CD84: variants seen among roughly 807,000 people sequenced by gnomAD.
CD84 encodes CD84 molecule.
Under a neutral mutation model 33.8 loss-of-function variants are expected in CD84, and 22 were observed. The observed-to-expected ratio is 0.65, with a 90% CI of 0.46 to 0.93. The LOEUF is 0.93. Ranked by LOEUF, CD84 falls within the 40% of genes least tolerant of loss-of-function variation. The pLI is 0.00. For synonymous variants in CD84, 154 were observed against 145.2 expected (o/e 1.06, Z -0.44); for missense variants, 400 against 397.6 (o/e 1.01, Z -0.05).
At chr1:160,557,029 T>A (rs1448148240) in intron 2 of CD84, among the ~76,000 whole-genome samples, 1 of 152,158 alleles carries the variant, frequency 6.6e-6, no homozygotes, top group Non-Finnish European at 1.5e-5. Flanking sequence ...AGATTTTTTT[T>A]AAGGGATAAG....
rs1402600942 is a variant in CD84 at position 160,577,736 on chromosome 1, G to T, written c.46+1656C>A. ...TCTGTTAAACACTTACTATATTCAG[G>T]TACCATGGCAAGTGTTGTACATGCA... On this transcript the variant is annotated intron_variant, in intron 1 of 6. Transcript: ENST00000368054. 2.6e-5 allele frequency among the ~76,000 whole-genome samples: 4 copies of T among 152,236 alleles called. No homozygotes were observed. In the East Asian group the frequency reaches 5.8e-4, roughly 22 times the overall value.
intron 1 of CD84, among the ~76,000 whole-genome samples, chr1:160,567,847 C>T (rs943687409): frequency 4.6e-5 from 7 of 152,026 alleles, no homozygotes; most frequent in Admixed American, 3.3e-4. Flanking sequence ...AGTGTCCCAG[C>T]GTGAATCCCT....
Position 160,546,848 on chromosome 1 carries a change from T to C in CD84, c.*1408A>G, listed in dbSNP as rs1655857120. ...AAGAGCAGACATTATGCACATCTTC[T>C]ACTTTGGGGCCTTGCAGCTCCTAAC... is the stretch of plus-strand genomic sequence containing the variant. On this transcript the variant is annotated 3_prime_UTR_variant, in exon 7 of 7. Coordinates refer to ENST00000368054, the MANE Select transcript of CD84 (RefSeq NM_003874.4). 3.0e-6 allele frequency: 1 copy of C among 331,028 alleles called. No individual in the cohort carries two copies. The highest frequency in any genetic ancestry group is 2.1e-5 in the African/African-American group (1 of 47,270). The allele number at this position is 331,028 out of a possible 1,614,324, so 20.5% of individuals were successfully genotyped here.
chr1:160,542,524 A>G lies in CD84; in HGVS notation c.*5732T>C, dbSNP rs1424043353. ...TGTAAATGAAAGAGTTGAGATTATG[A>G]GCATTTAAAAATTCTCTGATGAATA... On this transcript the variant is annotated 3_prime_UTR_variant, in exon 7 of 7. Coordinates refer to ENST00000368054, the MANE Select transcript of CD84 (RefSeq NM_003874.4). 1 of 152,224 alleles carries G rather than the reference A, an allele frequency of 6.6e-6. No individual in the cohort carries two copies. The highest frequency in any genetic ancestry group is 1.5e-5 in the Non-Finnish European group (1 of 68,042). The allele number at this position is 152,224 out of a possible 1,614,324, so 9.4% of individuals were successfully genotyped here.
At position 160,541,221 on chromosome 1, in the gene CD84, A is replaced by G. The variant is rs1053529507; in HGVS notation, c.*7035T>C. 2.6e-5 allele frequency: 4 copies of G among 152,240 alleles called. No individual in the cohort carries two copies. The highest frequency in any genetic ancestry group is 5.9e-5 in the Non-Finnish European group (4 of 68,034). 9.4% of individuals were successfully genotyped at this position (152,240 alleles called of 1,614,324 possible). ...TAATGGGCATTTACAAATGCCTGAA[A>G]TAAAAGGTGACTTGTAGAAGGGATA... On this transcript the variant is annotated 3_prime_UTR_variant, in exon 7 of 7. Coordinates refer to ENST00000368054, the MANE Select transcript of CD84 (RefSeq NM_003874.4).
chr1:160,555,194 C>T (rs1251256587), intron 2 of CD84, among the ~76,000 whole-genome samples: 1 of 151,708 alleles, frequency 6.6e-6, no homozygotes, highest in Admixed American at 6.6e-5. Context: ...CATTCTCCTG[C>T]CTCAGCCTCC....
chr1:160,569,517 TACACACACAC>T lies in CD84; in HGVS notation c.47-3782_47-3773del, dbSNP rs140655590. Among the ~76,000 whole-genome samples, 166 of 147,974 alleles carry T rather than the reference TACACACACAC, an allele frequency of 1.1e-3. 3 individuals are homozygous for T. The East Asian group carries it at 0.023, about 21-fold the overall frequency. On this transcript the variant is annotated intron_variant, in intron 1 of 6. Coordinates refer to ENST00000368054, the MANE Select transcript of CD84 (RefSeq NM_003874.4). ...TTGATACCCGGTTAGGGAAATAAGA[TACACACACAC>T]ACACACACACACACGCACGCACGCA...
At chr1:160,550,748 T>A in intron 5 of CD84, 190 bp downstream of exon 5, 1 of 985,298 alleles carries the variant, frequency 1.0e-6, no homozygotes, top group South Asian at 4.7e-5. Flanking sequence ...GGGGTGACAA[T>A]GGGTCACGTT....
At chr1:160,569,151 C>T (rs60000004) in intron 1 of CD84, among the ~76,000 whole-genome samples, 7,583 of 152,226 alleles carry the variant, frequency 0.05, 646 homozygotes, top group African/African-American at 0.17. Context: ...CTTATGATGG[C>T]GTTGGTGATG....
chr1:160,556,549 GC>G (rs1656622232), intron 2 of CD84, among the ~76,000 whole-genome samples: 1 of 152,226 alleles, frequency 6.6e-6, no homozygotes, highest in African/African-American at 2.4e-5. Flanking sequence ...GCTGGCTACA[GC>G]CACTGCCTCT....
chr1:160,565,571 A>G lies in CD84; in HGVS notation c.221T>C (p.Val74Ala). Reference protein sequence around the residue: ...TPGDSETAPVVTVTHRNYYER... With the variant: ...TPGDSETAPVATVTHRNYYER... The stretch of plus-strand genomic sequence containing the variant: ...ATAATAATTTCTGTGGGTCACAGTA[A>G]CTACGGGTGCTGTTTCTGAGTCTCC... The change falls in exon 2 of 7, where the codon GTT becomes GCT. Residue 74 changes from valine (V) to alanine (A), a missense_variant. Physicochemically the swap from Val to Ala is moderately conservative, Grantham distance 64 (BLOSUM62 0). Coordinates refer to ENST00000368054, the MANE Select transcript of CD84 (RefSeq NM_003874.4). 6.2e-7 allele frequency: 1 copy of G among 1,614,040 alleles called. No individual in the cohort carries two copies. Among genetic ancestry groups the G allele is most frequent in the Non-Finnish European group, 8.5e-7 (1 of 1,179,928 alleles).
rs1216566992 is a variant in CD84, at chr1:160,548,193, AG to A, written c.*62del. 181 of 1,553,858 alleles carry A rather than the reference AG, an allele frequency of 1.2e-4. 1 individual carries two copies. The highest frequency in any genetic ancestry group is 1.1e-3 in the South Asian group (94 of 89,470). ...AGTTGGGCAGAGAAGATCTGGATCC[AG>A]GGAACCTGCCAGTATTGGTGGTTGT... On this transcript the variant is annotated 3_prime_UTR_variant, in exon 7 of 7. Coordinates refer to ENST00000368054, the MANE Select transcript of CD84 (RefSeq NM_003874.4).
intron 2 of CD84, among the ~76,000 whole-genome samples, chr1:160,557,886 C>T (rs1408126750): frequency 1.3e-5 from 2 of 152,152 alleles, no homozygotes; most frequent in Non-Finnish European, 2.9e-5. Flanking sequence ...GCTGCTTTGC[C>T]AGATCAGACT....
intron 1 of CD84, among the ~76,000 whole-genome samples, chr1:160,572,055 C>T (rs79105867): frequency 0.038 from 5,742 of 152,220 alleles, 179 homozygotes; most frequent in African/African-American, 0.076. Flanking sequence ...TTATTAAAGA[C>T]GGTGATAGGA....
chr1:160,579,353 T>C (rs371398191), intron 1 of CD84, 39 bp downstream of exon 1: 4 of 1,612,504 alleles, frequency 2.5e-6, no homozygotes, highest in Admixed American at 1.7e-5. Context: ...TAAAACTTTA[T>C]GGAAAACTAG....
At chr1:160,573,446 C>T (rs1023837708) in intron 1 of CD84, among the ~76,000 whole-genome samples, 2 of 152,142 alleles carry the variant, frequency 1.3e-5, no homozygotes, top group African/African-American at 4.8e-5. Flanking sequence ...CTAGGCTCTG[C>T]CTGATCTTCC....
At position 160,548,121 on chromosome 1, in the gene CD84, G is replaced by A. The variant is rs1401078377; in HGVS notation, c.*135C>T. 6 of 879,672 alleles carry A rather than the reference G, an allele frequency of 6.8e-6. No homozygotes were observed. The African/African-American group carries it at 8.3e-5, about 12-fold the overall frequency. 54.5% of individuals were successfully genotyped at this position (879,672 alleles called of 1,614,324 possible). ...AGCTATGCCCAGCAGAAGGTTTCCTGCTTTGCTTACAGGCTGAGATGTGGC... is the reference window on the plus strand; with the variant it reads ...AGCTATGCCCAGCAGAAGGTTTCCTACTTTGCTTACAGGCTGAGATGTGGC... On this transcript the variant is annotated 3_prime_UTR_variant, in exon 7 of 7. Coordinates refer to ENST00000368054, the MANE Select transcript of CD84 (RefSeq NM_003874.4).
At chr1:160,554,273 A>T in intron 2 of CD84, 127 bp from the exon 3 acceptor site, 1 of 970,486 alleles carries the variant, frequency 1.0e-6, no homozygotes, top group Non-Finnish European at 1.4e-6. Context: ...AAACATAATT[A>T]AATAAATTAT....
chr1:160,565,664 A>G lies in CD84; in HGVS notation c.128T>C (p.Ile43Thr). 6.2e-7 allele frequency: 1 copy of G among 1,613,846 alleles called. No homozygotes were observed. Among genetic ancestry groups the G allele is most frequent in the South Asian group, 1.1e-5 (1 of 91,076 alleles). Reference protein sequence around the residue: ...LGESVTFPVNIQEPRQVKIIA... With the variant: ...LGESVTFPVNTQEPRQVKIIA... ...GATTTTAACTTGCCGTGGTTCTTGGATATTTACAGGGAAAGTGACTGACTC... is the reference window on the plus strand; with the variant it reads ...GATTTTAACTTGCCGTGGTTCTTGGGTATTTACAGGGAAAGTGACTGACTC... The change falls in exon 2 of 7, where the codon ATC (isoleucine) becomes ACC (threonine). Residue 43 changes from isoleucine to threonine, a missense_variant. Coordinates refer to ENST00000368054, the MANE Select transcript of CD84 (RefSeq NM_003874.4).
Sources: allele counts gnomAD v4.1 joint callset (sites outside exome capture counted in the v4.1 genomes callset), GRCh38; gene constraint gnomAD v4.1.1; transcripts MANE v1.5; gene names NCBI Gene and HGNC (gene_info 2026-07-23, HGNC 2026-07-21).